SLK: variants seen among roughly 807,000 people sequenced by gnomAD.
SLK encodes the protein STE20-like serine/threonine-protein kinase.
In SLK, 67 loss-of-function variants were observed where a neutral mutation model predicts 147.7. The observed-to-expected ratio is 0.45, with a 90% CI of 0.37 to 0.56. The LOEUF is 0.56. Among genes scored for constraint, SLK ranks in the 20% least tolerant of loss-of-function variants. The pLI, the probability that SLK is intolerant of heterozygous loss-of-function variation, is 0.00. For missense variants in SLK, 1,136 were observed against 1,438.8 expected, an observed-to-expected ratio of 0.79 and a Z score of 3.41; for synonymous variants, 441 against 475.0, an observed-to-expected ratio of 0.93 and a Z score of 0.93.
chr10:104,025,853 T>C lies in SLK; in HGVS notation c.*133T>C. ...CCTTCTAGGTGTTTTCCTTTTTTGT[T>C]TTTTTTGTTTTGTTTTGTTTTTAAG... is the stretch of plus-strand genomic sequence containing the variant. On this transcript the variant is annotated 3_prime_UTR_variant, in exon 19 of 19. Transcript: ENST00000369755. 1.3e-6 allele frequency: 1 copy of C among 779,544 alleles called. No homozygotes were observed. The highest frequency in any genetic ancestry group is 3.3e-5 in the Admixed American group (1 of 29,976). The allele number at this position is 779,544 out of a possible 1,614,324, so 48.3% of individuals were successfully genotyped here.
chr10:103,988,381 T>C (rs957910406), intron 1 of SLK, among the ~76,000 whole-genome samples: 9 of 152,174 alleles, frequency 5.9e-5, no homozygotes, highest in African/African-American at 2.2e-4. Context: ...GGGTAATGAT[T>C]ATGCCTAGTG....
At chr10:103,984,611 C>T (rs181520030) in intron 1 of SLK, among the ~76,000 whole-genome samples, 9 of 152,232 alleles carry the variant, frequency 5.9e-5, no homozygotes, top group Non-Finnish European at 1.2e-4. Context: ...GACAGTATTT[C>T]GCCATTTGTC....
intron 7 of SLK, 112 bp from the exon 8 acceptor site, chr10:104,001,332 T>G: frequency 1.2e-6 from 1 of 833,196 alleles, no homozygotes; most frequent in Non-Finnish European, 1.9e-6. Flanking sequence ...TCTGTCATTT[T>G]CCTGCCCACA....
chr10:104,004,986 A>AGG (rs1311305831), intron 9 of SLK, among the ~76,000 whole-genome samples: 29 of 152,218 alleles, frequency 1.9e-4, no homozygotes, highest in East Asian at 3.9e-4. Flanking sequence ...CCTGAGATGG[A>AGG]GGGAGGGGCT....
chr10:103,968,335 C>G (rs1206676123), intron 1 of SLK, among the ~76,000 whole-genome samples: 1 of 152,152 alleles, frequency 6.6e-6, no homozygotes, highest in Non-Finnish European at 1.5e-5. Context: ...GTATCTAGAG[C>G]TAATACAGAA....
At chr10:103,999,446 A>G in intron 6 of SLK, 133 bp downstream of exon 6, 3 of 681,118 alleles carry the variant, frequency 4.4e-6, no homozygotes, top group Non-Finnish European at 7.2e-6. Context: ...GAATTAGAAA[A>G]GTGATTTTTG....
chr10:104,004,218 C>G (rs1844294662), intron 9 of SLK, among the ~76,000 whole-genome samples: 1 of 152,152 alleles, frequency 6.6e-6, no homozygotes, highest in South Asian at 2.1e-4. Flanking sequence ...CCTAAGAAAA[C>G]TGACATAGAT....
At chr10:104,004,841 A>T (rs1167018906) in intron 9 of SLK, among the ~76,000 whole-genome samples, 1 of 152,100 alleles carries the variant, frequency 6.6e-6, no homozygotes, top group East Asian at 1.9e-4. Flanking sequence ...ATGTTTTTGG[A>T]TACCAGTTGA....
intron 1 of SLK, among the ~76,000 whole-genome samples, chr10:103,978,167 T>C (rs1843894982): frequency 1.3e-5 from 2 of 152,316 alleles, no homozygotes; most frequent in South Asian, 4.1e-4. Context: ...TTTTATAATA[T>C]ATTTTCTGGC....
chr10:103,971,376 G>A lies in SLK; in HGVS notation c.150+3481G>A, dbSNP rs150159283. 2.7e-3 allele frequency among the ~76,000 whole-genome samples: 405 copies of A among 152,294 alleles called. 1 individual carries two copies. Among genetic ancestry groups the A allele is most frequent in the African/African-American group, 9.5e-3 (394 of 41,562 alleles). ...TGCAACCTCCGCCTCCCAGGTTCAA[G>A]CAATTCTCCTGCCTCAGCCTCCGGA... On this transcript the variant is annotated intron_variant, in intron 1 of 18. Transcript: ENST00000369755.
chr10:104,003,828 C>T (rs985063980), intron 9 of SLK, among the ~76,000 whole-genome samples: 2 of 152,036 alleles, frequency 1.3e-5, no homozygotes, highest in Non-Finnish European at 2.9e-5. Context: ...TAGCAAGAAT[C>T]AACAATGTAT....
chr10:104,004,100 A>G (rs1844292971), intron 9 of SLK, among the ~76,000 whole-genome samples: 1 of 151,958 alleles, frequency 6.6e-6, no homozygotes, highest in East Asian at 1.9e-4. Context: ...AAAAAAAAAG[A>G]TCCCACAGAG....
chr10:103,987,772 G>A (rs2134464685), intron 1 of SLK, among the ~76,000 whole-genome samples: 1 of 152,260 alleles, frequency 6.6e-6, no homozygotes, highest in South Asian at 2.1e-4. Context: ...TATAATAAAT[G>A]ATGGTGAGAA....
At chr10:103,988,385 C>G (rs74546460) in intron 1 of SLK, among the ~76,000 whole-genome samples, 1 of 152,158 alleles carries the variant, frequency 6.6e-6, no homozygotes, top group Admixed American at 6.5e-5. Flanking sequence ...AATGATTATG[C>G]CTAGTGTTCC....
rs1168149727 is a variant in SLK at position 104,025,574 on chromosome 10, A to G, written c.3562A>G (p.Thr1188Ala). The change falls in exon 19 of 19, where the codon ACA becomes GCA. Residue 1188 changes from threonine to alanine, a missense_variant and splice_region_variant. Physicochemically the swap from Thr to Ala is moderately conservative, Grantham distance 58. This residue lies in a region of SLK where 327 missense variants were observed against 457.5 expected (regional missense o/e 0.71). Transcript: ENST00000369755. Reference protein sequence around the residue: ...WREKLRPRKKTLEEEFARKLQ... With the variant: ...WREKLRPRKKALEEEFARKLQ... ...ATTTCTTTTTCCCTTTCTTTTTAAG[A>G]CACTGGAAGAAGAGTTTGCCAGGAA... 19 of 1,613,184 alleles carry G rather than the reference A, an allele frequency of 1.2e-5. No individual in the cohort carries two copies. The highest frequency in any genetic ancestry group is 1.6e-5 in the Non-Finnish European group (19 of 1,179,518).
rs367709892 is a variant in SLK, at chr10:104,010,913, C to T, written c.2877+5C>T. The T allele has an allele frequency of 1.9e-6, 3 of 1,558,506 alleles. No homozygotes were observed. Among genetic ancestry groups the T allele is most frequent in the African/African-American group, 2.8e-5 (2 of 71,930 alleles). ...GCACAAAGCCAGCATGCTCAGGTAA[C>T]AGCAGCAGCTTAATGCTACTAAAAC... On this transcript the variant is annotated splice_donor_5th_base_variant and intron_variant, in intron 13 of 18. Coordinates refer to ENST00000369755, the MANE Select transcript of SLK (RefSeq NM_014720.4).
chr10:103,995,201 A>T (rs569383600), intron 4 of SLK, among the ~76,000 whole-genome samples: 1 of 152,064 alleles, frequency 6.6e-6, no homozygotes, highest in South Asian at 2.1e-4. Context: ...ATTTAATTTT[A>T]TTTGGTTGGT....
intron 1 of SLK, among the ~76,000 whole-genome samples, chr10:103,986,762 T>C (rs1441465378): frequency 7.2e-6 from 1 of 139,548 alleles, no homozygotes; most frequent in Non-Finnish European, 1.5e-5. Context: ...CACTGCAACC[T>C]CTATCTCCTG....
In SLK at chr10:104,003,314, T is replaced by C. The variant is rs773493733; in HGVS notation, c.2136T>C (p.Ser712=). 2 of 1,614,000 alleles carry C rather than the reference T, an allele frequency of 1.2e-6. No homozygotes were observed. The highest frequency in any genetic ancestry group is 2.2e-5 in the South Asian group (2 of 91,070). Residue 712 remains serine (S), a synonymous_variant, in exon 9 of 19, where the codon AGT becomes AGC. Coordinates refer to ENST00000369755, the MANE Select transcript of SLK (RefSeq NM_014720.4). ...PTEPQPVLIP[S]ININSDSGEN... ...AACCTCAGCCTGTTCTAATACCCAG[T>C]ATTAATATCAACTCTGACAGTGGAG... is the stretch of plus-strand genomic sequence containing the variant.
Sources: allele counts gnomAD v4.1 joint callset (sites outside exome capture counted in the v4.1 genomes callset), GRCh38; gene constraint gnomAD v4.1.1; regional missense constraint gnomAD v4.1.1; transcripts MANE v1.5; gene names NCBI Gene and HGNC (gene_info 2026-07-23, HGNC 2026-07-21).